Variants in NUP58 observed in about 807,000 individuals in gnomAD.
The protein encoded by NUP58 is nucleoporin p58/p45.
A neutral mutation model predicts 70.1 loss-of-function variants in NUP58; 17 were observed. That is an observed-to-expected ratio of 0.24 (90% confidence interval 0.17 to 0.36). The LOEUF is 0.36. NUP58 is among the 10% of genes least tolerant of loss of function. The probability of loss-of-function intolerance (pLI) is 1.00; values close to 1 mark genes in which losing one functional copy is unlikely to be tolerated. For synonymous variants in NUP58, 275 were observed against 257.6 expected, an observed-to-expected ratio of 1.07 and a Z score of -0.65; for missense variants, 644 against 701.5, an observed-to-expected ratio of 0.92 and a Z score of 0.93.
rs746912310 is a variant in NUP58, at chr13:25,321,060, C to G, written c.918C>G (p.Leu306=). ...LAANGIQRNT[L]NIDKLKIETA... ...CCAATGGAATACAGAGAAACACTCTCAACATTGACAAATTGAAAATAGAAA... is the reference window on the plus strand; with the variant it reads ...CCAATGGAATACAGAGAAACACTCTGAACATTGACAAATTGAAAATAGAAA... The change falls in exon 9 of 16, where the codon CTC becomes CTG. Residue 306 remains leucine, a synonymous_variant. Transcript: ENST00000381736. The G allele has an allele frequency of 1.3e-6, 2 of 1,589,442 alleles. No individual in the cohort carries two copies. Among genetic ancestry groups the G allele is most frequent in the Admixed American group, 1.9e-5 (1 of 53,502 alleles).
chr13:25,339,861 A>C, intron 15 of NUP58, 104 bp from the exon 16 acceptor site: 1 of 973,232 alleles, frequency 1.0e-6, no homozygotes, highest in South Asian at 1.8e-5. Context: ...CTATTCTTAC[A>C]GATTATGTAT....
intron 13 of NUP58, chr13:25,334,203 C>A: frequency 1.0e-6 from 1 of 985,394 alleles, no homozygotes. Context: ...CAGAACTTGA[C>A]ACTTGTCTAT....
rs552409749 is a variant in NUP58, at chr13:25,327,250, A to C, written c.1151-180A>C. On this transcript the variant is annotated intron_variant, in intron 11 of 15. Transcript: ENST00000381736. ...ACAGAAATCTTAGGGCCTTCCCCCC[A>C]GATTTCTTTTGTAGACATTCAGTCT... Among the ~76,000 whole-genome samples, 679 of 152,292 alleles carry C rather than the reference A, an allele frequency of 4.5e-3. 4 individuals are homozygous for C. The highest frequency in any genetic ancestry group is 0.037 in the Middle Eastern group (11 of 294).
intron 3 of NUP58, 39 bp downstream of exon 3, chr13:25,309,321 T>A: frequency 6.8e-7 from 1 of 1,466,914 alleles, no homozygotes; most frequent in South Asian, 1.2e-5. Context: ...TCTGTGGTCT[T>A]CTAATAATTT....
At chr13:25,339,245 T>G (rs1025633755) in intron 15 of NUP58, among the ~76,000 whole-genome samples, 1 of 152,066 alleles carries the variant, frequency 6.6e-6, no homozygotes, top group East Asian at 1.9e-4. Context: ...CTTTTGCATT[T>G]ATATTGGTAA....
In NUP58 at chr13:25,307,806, C is replaced by T. The variant is rs750146968; in HGVS notation, c.108C>T (p.Ser36=). 1.9e-5 allele frequency: 31 copies of T among 1,613,638 alleles called. No individual in the cohort carries two copies. The highest frequency in any genetic ancestry group is 2.6e-5 in the Non-Finnish European group (31 of 1,179,866). The stretch of plus-strand genomic sequence containing the variant: ...TTTTGTTTTTGTTTCTTTAAATAAG[C>T]AACCCTTCTGTGGGGCTCAATTTTG... ...GVFSFGTGAS[S]NPSVGLNFGN... is the part of the protein sequence containing the mutation. Residue 36 remains serine (S), a splice_region_variant and synonymous_variant, in exon 2 of 16, where the codon AGC becomes AGT. Transcript: ENST00000381736.
chr13:25,308,336 T>G (rs1232205130), intron 2 of NUP58, among the ~76,000 whole-genome samples: 1 of 152,166 alleles, frequency 6.6e-6, no homozygotes, highest in Non-Finnish European at 1.5e-5. Flanking sequence ...AGTCTTGCTC[T>G]GTTGTCTAGG....
At chr13:25,306,070 T>C (rs190285062) in intron 1 of NUP58, among the ~76,000 whole-genome samples, 52 of 152,274 alleles carry the variant, frequency 3.4e-4, no homozygotes, top group African/African-American at 1.2e-3. Flanking sequence ...CAACATTTAT[T>C]GAAGTTAATT....
chr13:25,313,881 A>G (rs2030800455), intron 5 of NUP58, 130 bp downstream of exon 5: 2 of 628,368 alleles, frequency 3.2e-6, no homozygotes, highest in African/African-American at 3.9e-5. Flanking sequence ...ACTAAATTAT[A>G]AAATGATGGT....
intron 10 of NUP58, 32 bp from the exon 11 acceptor site, chr13:25,326,884 A>G: frequency 7.9e-7 from 1 of 1,263,368 alleles, no homozygotes; most frequent in African/African-American, 1.5e-5. Context: ...TTAAAAAAAT[A>G]TTTGATCTGA....
chr13:25,345,157 T>C (rs780612123), downstream of NUP58, among the ~76,000 whole-genome samples: 1 of 152,192 alleles, frequency 6.6e-6, no homozygotes, highest in Non-Finnish European at 1.5e-5. Flanking sequence ...AAAGCAGAAA[T>C]ACCCAATTTA....
At chr13:25,319,049 T>C (rs1020201563) in intron 6 of NUP58, among the ~76,000 whole-genome samples, 1 of 152,104 alleles carries the variant, frequency 6.6e-6, no homozygotes, top group Non-Finnish European at 1.5e-5. Flanking sequence ...AATGCTTTGC[T>C]TCTGAGTTCA....
chr13:25,304,478 T>TTTTATATA (rs1555253517), intron 1 of NUP58, among the ~76,000 whole-genome samples: 1 of 83,410 alleles, frequency 1.2e-5, no homozygotes, highest in East Asian at 3.7e-4. Context: ...GTTGTCAAGA[T>TTTTATATA]TATATATATA....
intron 5 of NUP58, among the ~76,000 whole-genome samples, chr13:25,314,449 A>C (rs1352353797): frequency 2.0e-5 from 3 of 152,014 alleles, no homozygotes; most frequent in Non-Finnish European, 2.9e-5. Flanking sequence ...TAATCCCAGC[A>C]CTTTGGGAGG....
chr13:25,307,404 C>T (rs188552427), intron 1 of NUP58, among the ~76,000 whole-genome samples: 6 of 151,810 alleles, frequency 4.0e-5, no homozygotes, highest in Non-Finnish European at 7.4e-5. Flanking sequence ...TTGGAAGAGA[C>T]GAGGTTTCAC....
rs764930871 is a variant in NUP58, at chr13:25,309,252, G to A, written c.256G>A (p.Ala86Thr). 28 of 1,605,620 alleles carry A rather than the reference G, an allele frequency of 1.7e-5. No individual in the cohort carries two copies. In the Admixed American group the frequency reaches 4.7e-4, roughly 27 times the overall value. The part of the protein sequence containing the change: ...FTLGGTNTGI[A>T]TTITTGLTLG... ...ATTTCTCTTTTTGTCCCCAGGAATA[G>A]CAACAACTATAACTACAGGATTAAC... is the stretch of plus-strand genomic sequence containing the variant. The change falls in exon 3 of 16, where the codon GCA (alanine) becomes ACA (threonine). Residue 86 changes from alanine to threonine, a missense_variant. Physicochemically the swap from Ala to Thr is moderately conservative, Grantham distance 58. This residue lies in a region of NUP58 where 430 missense variants were observed against 409.2 expected (regional missense o/e 1.05). Coordinates refer to ENST00000381736, the MANE Select transcript of NUP58 (RefSeq NM_014089.4).
At chr13:25,321,333 A>G (rs1187221643) in intron 9 of NUP58, among the ~76,000 whole-genome samples, 2 of 152,204 alleles carry the variant, frequency 1.3e-5, no homozygotes, top group Non-Finnish European at 2.9e-5. Context: ...GAAAAGACCC[A>G]ACAAGGTAGG....
At chr13:25,302,031 G>C in intron 1 of NUP58, 151 bp downstream of exon 1, 1 of 612,810 alleles carries the variant, frequency 1.6e-6, no homozygotes, top group Non-Finnish European at 2.8e-6. Context: ...CGGCGTCGTA[G>C]GCCTCTCGCC....
chr13:25,311,911 G>C (rs2030688905), intron 3 of NUP58, among the ~76,000 whole-genome samples: 1 of 152,104 alleles, frequency 6.6e-6, no homozygotes, highest in South Asian at 2.1e-4. Flanking sequence ...CTGGTTTCTG[G>C]CTTAAGCAAT....
Sources: gnomAD v4.1 joint callset for allele counts (sites outside exome capture counted in the v4.1 genomes callset) on GRCh38, gnomAD v4.1.1 for gene constraint, gnomAD v4.1.1 regional missense constraint, MANE v1.5 for transcripts, NCBI Gene and HGNC (gene_info 2026-07-23, HGNC 2026-07-21) for gene names.